PCDHA1: variants seen among roughly 807,000 people sequenced by gnomAD.
PCDHA1 encodes the protein protocadherin alpha-1.
A neutral mutation model predicts 61.3 loss-of-function variants in PCDHA1; 42 were observed. The observed-to-expected ratio is 0.69, with a 90% confidence interval of 0.54 to 0.89. The LOEUF (loss-of-function observed/expected upper bound fraction) is 0.89. Among genes scored for constraint, PCDHA1 ranks in the 40% least tolerant of loss-of-function variants. The pLI, the probability that PCDHA1 is intolerant of heterozygous loss-of-function variation, is 0.00. For missense variants in PCDHA1, 1,256 were observed against 1,235.3 expected (o/e 1.02, Z -0.25); for synonymous variants, 610 against 553.8 (o/e 1.10, Z -1.43).
intron 1 of PCDHA1, among the ~76,000 whole-genome samples, chr5:140,960,147 T>C (rs2095529138): frequency 6.6e-6 from 1 of 152,322 alleles, no homozygotes; most frequent in Admixed American, 6.5e-5. Context: ...TATTAATAGC[T>C]TGAGACTGAT....
intron 1 of PCDHA1, chr5:140,801,413 G>A (rs782324321): frequency 1.9e-6 from 3 of 1,613,776 alleles, no homozygotes; most frequent in South Asian, 2.2e-5. Flanking sequence ...AAAGACACGG[G>A]GACCTTCTGG....
At chr5:140,951,071 C>T (rs246044) in intron 1 of PCDHA1, among the ~76,000 whole-genome samples, 86,232 of 151,532 alleles carry the variant, frequency 0.57, 25,208 homozygotes, top group African/African-American at 0.71. Flanking sequence ...CATTGGCTTT[C>T]TTATATTTTC....
intron 1 of PCDHA1, among the ~76,000 whole-genome samples, chr5:140,941,737 T>A (rs1221306435): frequency 3.9e-5 from 6 of 152,234 alleles, no homozygotes; most frequent in Admixed American, 2.0e-4. Context: ...TTCCCCATTA[T>A]CTTATCAGAT....
rs57893927 is a variant in PCDHA1 at position 140,946,631 on chromosome 5, T to TATATATAC, written c.2395-32317_2395-32316insTATATACA. Among the ~76,000 whole-genome samples the TATATATAC allele has an allele frequency of 9.9e-4, 130 of 131,716 alleles. 1 individual carries two copies. The highest frequency in any genetic ancestry group is 2.9e-3 in the East Asian group (14 of 4,862). 86.4% of individuals were successfully genotyped at this position (131,716 alleles called of 152,430 possible). A position where few individuals can be genotyped will look rare whatever the true frequency, so the allele number is the denominator to read the frequency against. ...TGTGAAATATATATATATATATATA[T>TATATATAC]ACAATGGAATACTCATCAGCCATTA... On this transcript the variant is annotated intron_variant, in intron 1 of 3. Coordinates refer to ENST00000504120, the MANE Select transcript of PCDHA1 (RefSeq NM_018900.4).
intron 1 of PCDHA1, among the ~76,000 whole-genome samples, chr5:140,887,879 A>G (rs956379948): frequency 1.3e-5 from 2 of 152,154 alleles, no homozygotes; most frequent in South Asian, 4.1e-4. Context: ...TTCCTTTTGT[A>G]GTATCATATC....
At chr5:140,836,687 C>A (rs2150267868) in intron 1 of PCDHA1, 2 of 1,613,458 alleles carry the variant, frequency 1.2e-6, no homozygotes, top group Non-Finnish European at 1.7e-6. Context: ...CCAAGACAGA[C>A]CTCATGGCCT....
chr5:140,930,098 A>G (rs1345846320), intron 1 of PCDHA1: 1 of 152,124 alleles, frequency 6.6e-6, no homozygotes, highest in Non-Finnish European at 1.5e-5. Flanking sequence ...ATTTATACTG[A>G]TAGGAGATCA....
At chr5:140,828,051 C>G in intron 1 of PCDHA1, 3 of 1,545,276 alleles carry the variant, frequency 1.9e-6, no homozygotes, top group Non-Finnish European at 2.6e-6. Flanking sequence ...TATCTTTATG[C>G]GGAAGATCTT....
chr5:140,968,896 A>G (rs2096277975), intron 1 of PCDHA1: 1 of 1,614,240 alleles, frequency 6.2e-7, no homozygotes, highest in Non-Finnish European at 8.5e-7. Context: ...ATCTAATAAT[A>G]GCATTAAGCA....
Position 140,968,771 on chromosome 5 carries a change from T to C in PCDHA1, c.2395-10178T>C, listed in dbSNP as rs144153196. The C allele has an allele frequency of 3.1e-6, 5 of 1,614,024 alleles. No homozygotes were observed. Among genetic ancestry groups the C allele is most frequent in the Non-Finnish European group, 4.2e-6 (5 of 1,180,044 alleles). On this transcript the variant is annotated intron_variant, in intron 1 of 3. Transcript: ENST00000504120. The stretch of plus-strand genomic sequence containing the variant: ...GGTGGTCCGAGATAATGGAGAGCCA[T>C]CACTATCAGCCTCTGTGGCCATTAC...
At chr5:140,904,974 T>C (rs537444148) in intron 1 of PCDHA1, among the ~76,000 whole-genome samples, 97 of 152,356 alleles carry the variant, frequency 6.4e-4, no homozygotes, top group African/African-American at 2.2e-3. Context: ...GTGACTATTT[T>C]CTCCCACTCT....
At chr5:140,883,349 GA>G in intron 1 of PCDHA1, 1 of 1,614,142 alleles carries the variant, frequency 6.2e-7, no homozygotes, top group Non-Finnish European at 8.5e-7. Flanking sequence ...CCCCATCAGA[GA>G]AGACACTCAG....
chr5:140,834,445 T>C (rs1773005004), intron 1 of PCDHA1: 2 of 1,613,974 alleles, frequency 1.2e-6, no homozygotes, highest in African/African-American at 1.3e-5. Context: ...ATTATAATTC[T>C]AGCAGCTTGG....
At chr5:140,815,206 C>G (rs141510646) in intron 1 of PCDHA1, 9 of 152,052 alleles carry the variant, frequency 5.9e-5, no homozygotes, top group African/African-American at 1.7e-4. Flanking sequence ...ATTGATAGGG[C>G]ATAACTTACT....
chr5:140,808,883 C>T, intron 1 of PCDHA1: 1 of 1,613,364 alleles, frequency 6.2e-7, no homozygotes. Flanking sequence ...GCCAGCACTG[C>T]TAGCGCCTCG....
intron 3 of PCDHA1, among the ~76,000 whole-genome samples, chr5:140,997,644 ATGCAATAT>A (rs1287449551): frequency 7.9e-5 from 12 of 151,656 alleles, no homozygotes; most frequent in African/African-American, 2.9e-4. Flanking sequence ...AAATGGGATA[ATGCAATAT>A]GTATTATTAT....
chr5:140,995,949 G>T (rs781875497), intron 3 of PCDHA1, among the ~76,000 whole-genome samples: 1 of 152,160 alleles, frequency 6.6e-6, no homozygotes, highest in African/African-American at 2.4e-5. Context: ...CATAATGCAC[G>T]CAAAATGCTT....
chr5:141,006,048 G>T (rs1158028347), intron 3 of PCDHA1, among the ~76,000 whole-genome samples: 1 of 150,984 alleles, frequency 6.6e-6, no homozygotes, highest in Non-Finnish European at 1.5e-5. Context: ...TTGTAGATGA[G>T]AGTGGAGAAG....
chr5:140,834,888 A>G (rs2150228712), intron 1 of PCDHA1: 2 of 1,605,238 alleles, frequency 1.2e-6, no homozygotes, highest in African/African-American at 1.4e-5. Context: ...CGCCCTGCTC[A>G]CTTACAGACT....
Sources: allele counts gnomAD v4.1 joint callset (sites outside exome capture counted in the v4.1 genomes callset), GRCh38; gene constraint gnomAD v4.1.1; transcripts MANE v1.5; gene names NCBI Gene and HGNC (gene_info 2026-07-23, HGNC 2026-07-21).